SKIL: variants seen among roughly 807,000 people sequenced by gnomAD.
SKIL encodes the protein ski-like protein.
SKIL carries 20 observed loss-of-function variants against 69.6 expected under a neutral mutation model. The observed-to-expected ratio is 0.29, with a 90% confidence interval of 0.20 to 0.42. The LOEUF (loss-of-function observed/expected upper bound fraction) is 0.42, where lower values mean the gene tolerates loss of function less well. SKIL is among the 10% of genes least tolerant of loss of function. The pLI is 1.00. For missense variants in SKIL, 745 were observed against 783.1 expected, an observed-to-expected ratio of 0.95 and a Z score of 0.58; for synonymous variants, 310 against 279.9, an observed-to-expected ratio of 1.11 and a Z score of -1.08.
At position 170,359,795 on chromosome 3, in the gene SKIL, C is replaced by T. The variant is rs1381276887; in HGVS notation, c.-537C>T. On this transcript the variant is annotated 5_prime_UTR_variant, in exon 2 of 7. Transcript: ENST00000259119. Reference sequence around the variant, plus strand: ...TACTGGTGTGAGGATTTACACACGTCTTCAGTTTTTCAGCACAGACCAGCA... The same window carrying T: ...TACTGGTGTGAGGATTTACACACGTTTTCAGTTTTTCAGCACAGACCAGCA... 1 of 152,324 alleles carries T rather than the reference C, an allele frequency of 6.6e-6. No individual in the cohort carries two copies. Among genetic ancestry groups the T allele is most frequent in the Non-Finnish European group, 1.5e-5 (1 of 68,192 alleles). The allele number at this position is 152,324 out of a possible 1,614,324, so 9.4% of individuals were successfully genotyped here.
At chr3:170,365,040 T>C (rs1363923448) in intron 2 of SKIL, among the ~76,000 whole-genome samples, 1 of 152,260 alleles carries the variant, frequency 6.6e-6, no homozygotes, top group Admixed American at 6.5e-5. Context: ...ATTCTTTTCT[T>C]TGGTTCATAT....
rs1025591672 is a variant in SKIL, at chr3:170,367,389, G to A, written c.1098+5960G>A. Among the ~76,000 whole-genome samples the A allele has an allele frequency of 5.3e-5, 8 of 151,922 alleles. No individual in the cohort carries two copies. In the South Asian group the frequency reaches 6.3e-4, roughly 12 times the overall value. ...TAGGATTACAGGCGTGAGCCACTGC[G>A]CCTGGCCGATTCTTCCCTATTGTAG... On this transcript the variant is annotated intron_variant, in intron 2 of 6. Transcript: ENST00000259119.
At chr3:170,361,944 T>A (rs1217130222) in intron 2 of SKIL, among the ~76,000 whole-genome samples, 1 of 152,146 alleles carries the variant, frequency 6.6e-6, no homozygotes, top group Admixed American at 6.5e-5. Flanking sequence ...CTACATCTGT[T>A]GTTTTTCTAG....
Position 170,396,355 on chromosome 3 carries a change from A to G in SKIL, c.*3938A>G, listed in dbSNP as rs1241051039. ...TTGAGGAATTAGTTTATGAGAAATA[A>G]AATTTTACTTGTTTTTACTATCCTG... On this transcript the variant is annotated 3_prime_UTR_variant, in exon 7 of 7. Coordinates refer to ENST00000259119, the MANE Select transcript of SKIL (RefSeq NM_005414.5). 6.6e-6 allele frequency: 1 copy of G among 152,152 alleles called. No homozygotes were observed. The allele number at this position is 152,152 out of a possible 1,614,324, so 9.4% of individuals were successfully genotyped here. A position where few individuals can be genotyped will look rare whatever the true frequency, so the allele number is the denominator to read the frequency against.
intron 2 of SKIL, among the ~76,000 whole-genome samples, chr3:170,367,301 G>A (rs1443798711): frequency 1.6e-4 from 24 of 151,952 alleles, no homozygotes; most frequent in South Asian, 2.1e-4. Context: ...TAGTAGAGAC[G>A]GGGTTTCACC....
At chr3:170,371,164 CTGTGTT>C (rs1219089000) in intron 2 of SKIL, among the ~76,000 whole-genome samples, 1 of 152,078 alleles carries the variant, frequency 6.6e-6, no homozygotes. Context: ...GTAATTGTAA[CTGTGTT>C]TGTGCAAAAG....
At chr3:170,391,646 C>G (rs62293481) in intron 6 of SKIL, among the ~76,000 whole-genome samples, 56,934 of 151,878 alleles carry the variant, frequency 0.37, 11,275 homozygotes, top group Non-Finnish European at 0.45. Context: ...AAAGGAATTA[C>G]TTTTTGTCAA....
intron 2 of SKIL, among the ~76,000 whole-genome samples, chr3:170,373,913 GTTT>G (rs1320274695): frequency 6.6e-6 from 1 of 151,838 alleles, no homozygotes. Flanking sequence ...ATTTTAAAGG[GTTT>G]TTTTTGGTAC....
chr3:170,392,480 T>A lies in SKIL; in HGVS notation c.*63T>A. The A allele has an allele frequency of 9.3e-7, 1 of 1,071,526 alleles. No homozygotes were observed. 66.4% of individuals were successfully genotyped at this position (1,071,526 alleles called of 1,614,324 possible). A position where few individuals can be genotyped will look rare whatever the true frequency, so the allele number is the denominator to read the frequency against. ...GGTTTTTTTTGTTTGTTGCTTGCTT[T>A]GGTAATTGAATTCTGAAGAATTTAT... On this transcript the variant is annotated 3_prime_UTR_variant, in exon 7 of 7. Transcript: ENST00000259119.
chr3:170,390,418 A>T lies in SKIL; in HGVS notation c.1625A>T (p.Gln542Leu). The T allele has an allele frequency of 6.2e-7, 1 of 1,612,874 alleles. No homozygotes were observed. The change falls in exon 5 of 7, where the codon CAG (glutamine) becomes CTG (leucine). Residue 542 changes from glutamine (Q) to leucine (L), a missense_variant. By Grantham distance (113) the Gln-to-Leu change is moderately radical. Coordinates refer to ENST00000259119, the MANE Select transcript of SKIL (RefSeq NM_005414.5). ...GTAATGAGAACTTATTTAAAACAACAGGAAAAACTAAACTTGATTTTGCAA... is the reference window on the plus strand; with the variant it reads ...GTAATGAGAACTTATTTAAAACAACTGGAAAAACTAAACTTGATTTTGCAA... Reference protein sequence around the residue: ...EEVMRTYLKQQEKLNLILQKK... With the variant: ...EEVMRTYLKQLEKLNLILQKK...
At chr3:170,371,351 A>T (rs578170581) in intron 2 of SKIL, among the ~76,000 whole-genome samples, 19 of 151,916 alleles carry the variant, frequency 1.3e-4, no homozygotes, top group African/African-American at 4.1e-4. Context: ...AAATAATAAT[A>T]AAAAAAATAG....
chr3:170,359,127 C>T (rs1266657897), intron 1 of SKIL, among the ~76,000 whole-genome samples: 2 of 152,190 alleles, frequency 1.3e-5, no homozygotes, highest in African/African-American at 4.8e-5. Flanking sequence ...AGATGATCTG[C>T]TTAAGAGTCT....
intron 2 of SKIL, among the ~76,000 whole-genome samples, chr3:170,368,030 A>G (rs1736630714): frequency 6.6e-6 from 1 of 152,160 alleles, no homozygotes; most frequent in African/African-American, 2.4e-5. Context: ...CCCCTCTTGC[A>G]AGCTTTTAAT....
intron 1 of SKIL, 101 bp from the exon 2 acceptor site, chr3:170,359,598 G>GA (rs71300474): frequency 0.71 from 102,967 of 145,746 alleles, 37,412 homozygotes; most frequent in Non-Finnish European, 0.79. Context: ...GTAAAAAAAA[G>GA]AAAAAAAAAA....
Position 170,396,008 on chromosome 3 carries a change from C to G in SKIL, c.*3591C>G, listed in dbSNP as rs1185929313. The G allele has an allele frequency of 8.6e-6, 1 of 116,420 alleles. No individual in the cohort carries two copies. The highest frequency in any genetic ancestry group is 2.4e-4 in the East Asian group (1 of 4,232). 7.2% of individuals were successfully genotyped at this position (116,420 alleles called of 1,614,324 possible). A position where few individuals can be genotyped will look rare whatever the true frequency, so the allele number is the denominator to read the frequency against. The stretch of plus-strand genomic sequence containing the variant: ...TTATATTGCATTTCATTTAAAAGGA[C>G]AGTTTTTTTTTTTTTTTTGTAAATC... On this transcript the variant is annotated 3_prime_UTR_variant, in exon 7 of 7. Transcript: ENST00000259119.
At chr3:170,372,344 G>T (rs1278898241) in intron 2 of SKIL, among the ~76,000 whole-genome samples, 1 of 152,134 alleles carries the variant, frequency 6.6e-6, no homozygotes, top group African/African-American at 2.4e-5. Context: ...TGAGGTAGGT[G>T]GTATGATCTT....
chr3:170,376,109 G>A (rs553827326), intron 2 of SKIL, among the ~76,000 whole-genome samples: 28 of 140,894 alleles, frequency 2.0e-4, no homozygotes, highest in African/African-American at 5.4e-4. Context: ...GCGCAGTGGC[G>A]CAATCTCAGC....
intron 4 of SKIL, among the ~76,000 whole-genome samples, chr3:170,388,990 C>T (rs1737781267): frequency 6.6e-6 from 1 of 152,092 alleles, no homozygotes; most frequent in Non-Finnish European, 1.5e-5. Flanking sequence ...CTGTCTCAGC[C>T]TCCTGAGTAG....
chr3:170,384,050 A>G (rs1404428432), intron 3 of SKIL, among the ~76,000 whole-genome samples: 5 of 151,936 alleles, frequency 3.3e-5, no homozygotes, highest in African/African-American at 1.2e-4. Flanking sequence ...AAAAAAAAAA[A>G]AACACGAAAT....
Sources: gnomAD v4.1 joint callset for allele counts (sites outside exome capture counted in the v4.1 genomes callset) on GRCh38, gnomAD v4.1.1 for gene constraint, MANE v1.5 for transcripts, NCBI Gene and HGNC (gene_info 2026-07-23, HGNC 2026-07-21) for gene names.